ANKRD45: variants seen among roughly 807,000 people sequenced by gnomAD.
ANKRD45 encodes the protein ankyrin repeat domain 45, also known as ankyrin repeat domain-containing protein 45.
ANKRD45 carries 21 observed loss-of-function variants against 28.1 expected under a neutral mutation model. The observed-to-expected ratio is 0.75, with a 90% CI of 0.53 to 1.08. The LOEUF is 1.08. ANKRD45 is among the 50% of genes least tolerant of loss of function. The probability of loss-of-function intolerance (pLI) is 0.00; values close to 1 mark genes in which losing one functional copy is unlikely to be tolerated. For missense variants in ANKRD45, 261 were observed against 308.7 expected (o/e 0.85, Z 1.16); for synonymous variants, 86 against 103.9 (o/e 0.83, Z 1.05).
At chr1:173,642,158 G>T (rs1668731009) in intron 3 of ANKRD45, among the ~76,000 whole-genome samples, 1 of 152,172 alleles carries the variant, frequency 6.6e-6, no homozygotes, top group African/African-American at 2.4e-5. Flanking sequence ...TGGATTAGAT[G>T]ATCCTTTTTC....
At chr1:173,688,527 CCTCT>C in the ANKRD45 span, among the ~76,000 whole-genome samples, 1 of 87,680 alleles carries the variant, frequency 1.1e-5, no homozygotes, top group South Asian at 3.8e-4. Context: ...TTTGCCTCTT[CCTCT>C]CTCTCCCTCT....
chr1:173,667,798 T>G (rs564201613), intron 1 of ANKRD45: 1 of 399,876 alleles, frequency 2.5e-6, no homozygotes, highest in African/African-American at 2.1e-5. Context: ...GCTATTAAAA[T>G]ACTCTTCCCT....
At chr1:173,678,453 T>C in the ANKRD45 span, among the ~76,000 whole-genome samples, 3 of 151,970 alleles carry the variant, frequency 2.0e-5, no homozygotes, top group Non-Finnish European at 4.4e-5. Context: ...ACAGAACCAA[T>C]GACAAAACCC....
At chr1:173,671,248 C>T (rs1230782166), upstream of ANKRD45, among the ~76,000 whole-genome samples, 3 of 152,080 alleles carry the variant, frequency 2.0e-5, no homozygotes, top group Admixed American at 6.6e-5. Context: ...CTGTAGCATG[C>T]GGCTTGTCAC....
At chr1:173,697,442 G>A in the ANKRD45 span, among the ~76,000 whole-genome samples, 2 of 152,204 alleles carry the variant, frequency 1.3e-5, no homozygotes, top group African/African-American at 4.8e-5. Flanking sequence ...ACAAAGGGAA[G>A]CCCATCAGGC....
the ANKRD45 span, among the ~76,000 whole-genome samples, chr1:173,683,258 C>T: frequency 6.6e-6 from 1 of 152,058 alleles, no homozygotes; most frequent in African/African-American, 2.4e-5. Context: ...AGTTACTTAC[C>T]TAAAGATGGG....
At chr1:173,627,764 G>GT (rs1668001503) in intron 3 of ANKRD45, among the ~76,000 whole-genome samples, 5 of 151,974 alleles carry the variant, frequency 3.3e-5, no homozygotes, top group Admixed American at 3.3e-4. Context: ...TGGACTTGGG[G>GT]TGCACATCAC....
chr1:173,707,016 C>T, the ANKRD45 span, among the ~76,000 whole-genome samples: 1 of 152,038 alleles, frequency 6.6e-6, no homozygotes, highest in East Asian at 1.9e-4. Flanking sequence ...ACACAATTTG[C>T]ATTTATCTTA....
At chr1:173,662,416 A>G (rs1488034344) in intron 1 of ANKRD45, among the ~76,000 whole-genome samples, 1 of 152,194 alleles carries the variant, frequency 6.6e-6, no homozygotes, top group African/African-American at 2.4e-5. Context: ...AATGCTTGTA[A>G]GCTGTTAGGA....
At chr1:173,628,208 G>A (rs1668023610) in intron 3 of ANKRD45, among the ~76,000 whole-genome samples, 2 of 151,006 alleles carry the variant, frequency 1.3e-5, no homozygotes, top group African/African-American at 2.4e-5. Flanking sequence ...TTCCCCAGCT[G>A]TAGGGACTAA....
chr1:173,688,678 CTT>C, the ANKRD45 span, among the ~76,000 whole-genome samples: 1 of 139,468 alleles, frequency 7.2e-6, no homozygotes, highest in Non-Finnish European at 1.5e-5. Flanking sequence ...TCCTCTCTCT[CTT>C]TCTGCCTCTT....
At chr1:173,688,497 CCTCT>C in the ANKRD45 span, among the ~76,000 whole-genome samples, 3 of 120,168 alleles carry the variant, frequency 2.5e-5, no homozygotes, top group Non-Finnish European at 5.2e-5. Context: ...TCTGCCTCTT[CCTCT>C]CTCTGCCTCT....
At chr1:173,645,663 T>A (rs532660403) in intron 3 of ANKRD45, among the ~76,000 whole-genome samples, 6 of 152,350 alleles carry the variant, frequency 3.9e-5, no homozygotes, top group African/African-American at 1.2e-4. Context: ...CTTTTATTAT[T>A]CTACCTATGT....
At chr1:173,632,003 T>A (rs1668218573) in intron 3 of ANKRD45, among the ~76,000 whole-genome samples, 1 of 151,246 alleles carries the variant, frequency 6.6e-6, no homozygotes, top group African/African-American at 2.4e-5. Flanking sequence ...AGAACAAAAA[T>A]TAATGAAATT....
At chr1:173,667,874 G>C (rs919506870) in intron 1 of ANKRD45, 2 of 223,148 alleles carry the variant, frequency 9.0e-6, no homozygotes, top group South Asian at 1.0e-4. Context: ...ATATTGCAAC[G>C]GATAGACTGC....
At chr1:173,691,065 C>T in the ANKRD45 span, among the ~76,000 whole-genome samples, 1 of 152,234 alleles carries the variant, frequency 6.6e-6, no homozygotes, top group Admixed American at 6.5e-5. Flanking sequence ...CTCTAAGCCA[C>T]CCCAACCAAG....
chr1:173,636,786 G>C, intron 3 of ANKRD45: 1 of 1,409,268 alleles, frequency 7.1e-7, no homozygotes, highest in Non-Finnish European at 9.7e-7. Context: ...GAACTCTACT[G>C]TTTTATGTAG....
chr1:173,666,771 T>A (rs1486860758), intron 1 of ANKRD45, among the ~76,000 whole-genome samples: 1 of 152,100 alleles, frequency 6.6e-6, no homozygotes, highest in African/African-American at 2.4e-5. Flanking sequence ...ATTTTTTTTT[T>A]AGACAAGATC....
chr1:173,686,992 T>C, the ANKRD45 span, among the ~76,000 whole-genome samples: 4 of 152,182 alleles, frequency 2.6e-5, no homozygotes, highest in Non-Finnish European at 5.9e-5. Flanking sequence ...GAAAAACCTG[T>C]TGTGCTTTTA....
Sources: gnomAD v4.1 joint callset for allele counts (sites outside exome capture counted in the v4.1 genomes callset) on GRCh38, gnomAD v4.1.1 for gene constraint, MANE v1.5 for transcripts, NCBI Gene and HGNC (gene_info 2026-07-23, HGNC 2026-07-21) for gene names.